Variants in EML2 observed in about 807,000 individuals in gnomAD.
EML2 encodes the protein EMAP like 2.
Under a neutral mutation model 84.7 loss-of-function variants are expected in EML2, and 59 were observed. The ratio of observed to expected loss-of-function variants is 0.70; its 90% confidence interval spans 0.56 to 0.86. The LOEUF (loss-of-function observed/expected upper bound fraction) is 0.86, where lower values mean the gene tolerates loss of function less well. EML2 is among the 40% of genes least tolerant of loss of function. EML2 has a pLI of 0.00. For missense variants in EML2, 818 were observed against 855.6 expected, an observed-to-expected ratio of 0.96 and a Z score of 0.55; for synonymous variants, 352 against 348.9, an observed-to-expected ratio of 1.01 and a Z score of -0.10.
chr19:45,630,093 GC>G, intron 6 of EML2, 47 bp from the exon 7 acceptor site: 1 of 1,423,928 alleles, frequency 7.0e-7, no homozygotes, highest in Non-Finnish European at 9.9e-7. Context: ...GGGAGTCAGG[GC>G]CCATCCTCCC....
intron 4 of EML2, 81 bp from the exon 5 acceptor site, chr19:45,633,220 A>G (rs1973290068): frequency 1.4e-6 from 2 of 1,418,248 alleles, no homozygotes. Context: ...CATTCCACAA[A>G]TTGGCTGGTT....
At chr19:45,612,899 G>C (rs1331760522) in intron 18 of EML2, among the ~76,000 whole-genome samples, 1 of 141,108 alleles carries the variant, frequency 7.1e-6, no homozygotes, top group Non-Finnish European at 1.5e-5. Context: ...TTTTTTTTTT[G>C]TTTTTGTCTT....
upstream of EML2, chr19:45,645,253 G>T: frequency 6.5e-7 from 1 of 1,532,328 alleles, no homozygotes; most frequent in Non-Finnish European, 8.7e-7. Context: ...GCCAAGGTCG[G>T]AACTGAGGAG....
chr19:45,631,855 G>A (rs1973072261), intron 6 of EML2, among the ~76,000 whole-genome samples: 1 of 147,478 alleles, frequency 6.8e-6, no homozygotes. Flanking sequence ...ACAGGCCCAG[G>A]CCCACACTAG....
At chr19:45,632,067 G>T (rs987139963) in intron 6 of EML2, among the ~76,000 whole-genome samples, 1 of 149,328 alleles carries the variant, frequency 6.7e-6, no homozygotes, top group Admixed American at 6.7e-5. Context: ...GCTAATTTTT[G>T]TATTTTCAGT....
chr19:45,645,274 G>A (rs1328007784), upstream of EML2: 1 of 1,533,528 alleles, frequency 6.5e-7, no homozygotes, highest in Non-Finnish European at 8.7e-7. Flanking sequence ...GGGTCTCACC[G>A]TTGCAGTATC....
intron 3 of EML2, 126 bp from the exon 4 acceptor site, chr19:45,634,597 T>A (rs1191496683): frequency 3.2e-6 from 2 of 634,034 alleles, no homozygotes; most frequent in Non-Finnish European, 4.1e-6. Flanking sequence ...AGTCTCACTC[T>A]GTCGCCCAGG....
chr19:45,631,578 G>A (rs1004494300), intron 6 of EML2, among the ~76,000 whole-genome samples: 7 of 151,442 alleles, frequency 4.6e-5, no homozygotes, highest in Admixed American at 2.6e-4. Flanking sequence ...GCTAATTTTT[G>A]TATATTTTTA....
upstream of EML2, chr19:45,643,806 C>A: frequency 6.9e-7 from 1 of 1,445,386 alleles, no homozygotes; most frequent in South Asian, 1.4e-5. Context: ...CCACTCAGCG[C>A]CTCCCAGGTC....
In EML2 at chr19:45,609,520, G is replaced by A. The variant is rs2122568012; in HGVS notation, c.*143C>T. ...CCCTCTTCCCACCCGGATAAATAGA[G>A]ACTTCTGTATGTCAGTCTACCCTCC... On this transcript the variant is annotated 3_prime_UTR_variant, in exon 19 of 19. Coordinates refer to ENST00000245925, the MANE Select transcript of EML2 (RefSeq NM_012155.4). The A allele has an allele frequency of 1.1e-6, 1 of 899,796 alleles. No individual in the cohort carries two copies. The highest frequency in any genetic ancestry group is 4.1e-5 in the Admixed American group (1 of 24,490). The allele number at this position is 899,796 out of a possible 1,614,324, so 55.7% of individuals were successfully genotyped here.
chr19:45,623,427 G>C (rs1416257853), intron 9 of EML2: 1 of 152,012 alleles, frequency 6.6e-6, no homozygotes, highest in Non-Finnish European at 1.5e-5. Flanking sequence ...CCAGGTACTT[G>C]GGAGGCAGGA....
chr19:45,644,614 C>T (rs1200674129), upstream of EML2: 3 of 451,898 alleles, frequency 6.6e-6, no homozygotes, highest in Admixed American at 2.4e-5. Context: ...TCCGCTCCCT[C>T]CTGACCATCC....
Position 45,624,748 on chromosome 19 carries a change from G to A in EML2, c.812C>T (p.Ser271Phe), listed in dbSNP as rs1016817565. 11 of 1,613,796 alleles carry A rather than the reference G, an allele frequency of 6.8e-6. No homozygotes were observed. Among genetic ancestry groups the A allele is most frequent in the Admixed American group, 3.3e-5 (2 of 59,956 alleles). ...GCCCCAAACATAGAGGTTCCCCCCAGAGTCCCCCGTGACCACGTCGCCACC... is the reference window on the plus strand; with the variant it reads ...GCCCCAAACATAGAGGTTCCCCCCAAAGTCCCCCGTGACCACGTCGCCACC... The part of the protein sequence containing the change: ...LEGGDVVTGD[S>F]GGNLYVWGKG... The change falls in exon 9 of 19, where the codon TCT becomes TTT. Residue 271 changes from serine (S) to phenylalanine (F), a missense_variant. By Grantham distance (155) the Ser-to-Phe change is radical. Coordinates refer to ENST00000245925, the MANE Select transcript of EML2 (RefSeq NM_012155.4).
intron 18 of EML2, among the ~76,000 whole-genome samples, chr19:45,613,267 A>G (rs2334254): frequency 0.059 from 8,921 of 152,276 alleles, 564 homozygotes; most frequent in African/African-American, 0.15. Flanking sequence ...TAGGTGCTCA[A>G]TAAATATTTA....
chr19:45,634,284 C>G (rs1568479031), intron 4 of EML2, 38 bp downstream of exon 4: 1 of 1,611,374 alleles, frequency 6.2e-7, no homozygotes, highest in Admixed American at 1.7e-5. Flanking sequence ...CCATCTCCAG[C>G]CACAGCTCCC....
intron 4 of EML2, 112 bp downstream of exon 4, chr19:45,634,210 C>T: frequency 6.9e-7 from 1 of 1,451,762 alleles, no homozygotes; most frequent in Non-Finnish European, 9.5e-7. Flanking sequence ...AAAGGCTTAG[C>T]CTTGCCCCAA....
In EML2 at chr19:45,630,180, G is replaced by A. The variant is rs561060379; in HGVS notation, c.511-134C>T. ...GCTGGGCACAGTAGGTGGGAGGATC[G>A]CTTGAGTCCAGGAGTTTGAGGCCAG... On this transcript the variant is annotated intron_variant, in intron 6 of 18. Coordinates refer to ENST00000245925, the MANE Select transcript of EML2 (RefSeq NM_012155.4). 7.5e-5 allele frequency: 49 copies of A among 651,458 alleles called. No individual in the cohort carries two copies. In the East Asian group the frequency reaches 9.2e-4, roughly 12 times the overall value. 40.4% of individuals were successfully genotyped at this position (651,458 alleles called of 1,614,324 possible).
At chr19:45,642,448 C>A (rs1411516282), upstream of EML2, 1 of 1,468,882 alleles carries the variant, frequency 6.8e-7, no homozygotes. Flanking sequence ...GGGGGCCAGC[C>A]ACGCCCCTTT....
intron 9 of EML2, 111 bp downstream of exon 9, chr19:45,624,608 C>T (rs1972085875): frequency 6.7e-6 from 5 of 745,740 alleles, no homozygotes; most frequent in South Asian, 1.8e-5. Flanking sequence ...GTGTTGGAAT[C>T]GGACATCCAT....
Sources: gnomAD v4.1 joint callset for allele counts (sites outside exome capture counted in the v4.1 genomes callset) on GRCh38, gnomAD v4.1.1 for gene constraint, MANE v1.5 for transcripts, NCBI Gene and HGNC (gene_info 2026-07-23, HGNC 2026-07-21) for gene names.